Variants in CAMK4 observed in about 807,000 individuals in gnomAD.
CAMK4 encodes calcium/calmodulin dependent protein kinase IV.
Under a neutral mutation model 44.9 loss-of-function variants are expected in CAMK4, and 22 were observed. The observed-to-expected ratio is 0.49, with a 90% CI of 0.35 to 0.70. The LOEUF is 0.70. Among genes scored for constraint, CAMK4 ranks in the 30% least tolerant of loss-of-function variants. CAMK4 has a pLI of 0.01. For missense variants in CAMK4, 498 were observed against 586.8 expected, an observed-to-expected ratio of 0.85 and a Z score of 1.56; for synonymous variants, 218 against 215.4, an observed-to-expected ratio of 1.01 and a Z score of -0.11.
Position 111,413,469 on chromosome 5 carries a change from A to G in CAMK4, c.459+18687A>G, listed in dbSNP as rs141554373. 7.6e-3 allele frequency among the ~76,000 whole-genome samples: 1,149 copies of G among 152,038 alleles called. 13 individuals carry two copies. Among genetic ancestry groups the G allele is most frequent in the African/African-American group, 0.025 (1,050 of 41,470 alleles). ...ATGTGCACCTGCAGTTCCAGCTACTAGAGAGGCTGAGGCAGAAGAATCACT... is the reference window on the plus strand; with the variant it reads ...ATGTGCACCTGCAGTTCCAGCTACTGGAGAGGCTGAGGCAGAAGAATCACT... On this transcript the variant is annotated intron_variant, in intron 5 of 10. Coordinates refer to ENST00000282356, the MANE Select transcript of CAMK4 (RefSeq NM_001744.6).
At chr5:111,225,627 T>C (rs1379147982) in intron 1 of CAMK4, among the ~76,000 whole-genome samples, 1 of 152,208 alleles carries the variant, frequency 6.6e-6, no homozygotes, top group Non-Finnish European at 1.5e-5. Context: ...CATTTTTCAT[T>C]CTCTTTTTGC....
intron 5 of CAMK4, among the ~76,000 whole-genome samples, chr5:111,405,496 A>ATT (rs1752391031): frequency 1.3e-5 from 2 of 152,294 alleles, no homozygotes; most frequent in Admixed American, 1.3e-4. Flanking sequence ...AAAAAGACGA[A>ATT]GTTTATTGTT....
At chr5:111,252,977 A>AGGGCTCAG (rs905490231) in intron 1 of CAMK4, among the ~76,000 whole-genome samples, 9 of 152,224 alleles carry the variant, frequency 5.9e-5, no homozygotes, top group African/African-American at 1.9e-4. Context: ...AAAGAGATAG[A>AGGGCTCAG]GGGCTCAGGC....
At chr5:111,317,134 A>C (rs1748459434) in intron 1 of CAMK4, among the ~76,000 whole-genome samples, 1 of 152,160 alleles carries the variant, frequency 6.6e-6, no homozygotes. Context: ...TACCTGTAAG[A>C]GGGACTAAAT....
At chr5:111,440,487 A>T (rs2112958438) in intron 5 of CAMK4, among the ~76,000 whole-genome samples, 1 of 152,074 alleles carries the variant, frequency 6.6e-6, no homozygotes, top group South Asian at 2.1e-4. Flanking sequence ...TAAACTATAA[A>T]CACATACAGA....
intron 1 of CAMK4, among the ~76,000 whole-genome samples, chr5:111,321,276 G>A (rs1235573655): frequency 6.6e-6 from 1 of 152,138 alleles, no homozygotes; most frequent in Non-Finnish European, 1.5e-5. Context: ...GAAGGAGTTA[G>A]TGTTGCTGTA....
At chr5:111,446,407 G>A (rs963926397) in intron 5 of CAMK4, among the ~76,000 whole-genome samples, 1 of 152,168 alleles carries the variant, frequency 6.6e-6, no homozygotes, top group Non-Finnish European at 1.5e-5. Flanking sequence ...ATAGTAATAT[G>A]CATAAAGAGA....
chr5:111,269,253 T>G (rs1750397350), intron 1 of CAMK4, among the ~76,000 whole-genome samples: 1 of 152,238 alleles, frequency 6.6e-6, no homozygotes, highest in Non-Finnish European at 1.5e-5. Flanking sequence ...TGGAGAGAAT[T>G]GAGAAGGCAA....
rs772487683 is a variant in CAMK4, at chr5:111,491,571, A to G, written c.*7105A>G. On this transcript the variant is annotated 3_prime_UTR_variant, in exon 11 of 11. Coordinates refer to ENST00000282356, the MANE Select transcript of CAMK4 (RefSeq NM_001744.6). ...AGATACAACTTAGTGAAATTTTCCTACAGAACTAAAAACGCAAAATTGCAT... is the reference window on the plus strand; with the variant it reads ...AGATACAACTTAGTGAAATTTTCCTGCAGAACTAAAAACGCAAAATTGCAT... The G allele has an allele frequency of 6.6e-6, 1 of 152,176 alleles. No homozygotes were observed. Among genetic ancestry groups the G allele is most frequent in the Non-Finnish European group, 1.5e-5 (1 of 68,042 alleles). 9.4% of individuals were successfully genotyped at this position (152,176 alleles called of 1,614,324 possible). A position where few individuals can be genotyped will look rare whatever the true frequency, so the allele number is the denominator to read the frequency against.
At chr5:111,451,453 A>G (rs1194587515) in intron 7 of CAMK4, among the ~76,000 whole-genome samples, 3 of 151,958 alleles carry the variant, frequency 2.0e-5, no homozygotes, top group Non-Finnish European at 4.4e-5. Context: ...CACCCAGCTA[A>G]TTTGTTGTAT....
intron 1 of CAMK4, among the ~76,000 whole-genome samples, chr5:111,294,615 C>G (rs1747410274): frequency 6.6e-6 from 1 of 151,836 alleles, no homozygotes; most frequent in Non-Finnish European, 1.5e-5. Context: ...ACTGTCTAAA[C>G]TATGAAGACA....
intron 1 of CAMK4, among the ~76,000 whole-genome samples, chr5:111,312,127 T>A (rs944174858): frequency 6.6e-6 from 1 of 152,200 alleles, no homozygotes; most frequent in African/African-American, 2.4e-5. Context: ...TAACTCTATT[T>A]CATTGTGAGG....
chr5:111,315,610 A>G (rs774231322), intron 1 of CAMK4, among the ~76,000 whole-genome samples: 6 of 152,136 alleles, frequency 3.9e-5, no homozygotes, highest in Non-Finnish European at 8.8e-5. Flanking sequence ...TTTTTTGTAT[A>G]TAAAGGAACT....
At chr5:111,275,048 T>C (rs538762311) in intron 1 of CAMK4, among the ~76,000 whole-genome samples, 1 of 152,270 alleles carries the variant, frequency 6.6e-6, no homozygotes, top group East Asian at 1.9e-4. Context: ...CACAATGTAA[T>C]GTTATGATAC....
At chr5:111,437,579 G>A (rs540508613) in intron 5 of CAMK4, among the ~76,000 whole-genome samples, 1 of 152,276 alleles carries the variant, frequency 6.6e-6, no homozygotes, top group South Asian at 2.1e-4. Context: ...GAGGATATAA[G>A]AGCTGACACA....
chr5:111,429,353 C>G (rs186203438), intron 5 of CAMK4, among the ~76,000 whole-genome samples: 1 of 152,202 alleles, frequency 6.6e-6, no homozygotes, highest in African/African-American at 2.4e-5. Context: ...CTACTGCGAG[C>G]AACTACATGC....
intron 1 of CAMK4, among the ~76,000 whole-genome samples, chr5:111,262,602 A>G (rs757212073): frequency 2.6e-4 from 40 of 152,216 alleles, no homozygotes; most frequent in Non-Finnish European, 5.1e-4. Context: ...TTTTATGGCC[A>G]TCTTTTCCAG....
intron 1 of CAMK4, among the ~76,000 whole-genome samples, chr5:111,323,601 T>G (rs1343004257): frequency 6.6e-6 from 1 of 151,896 alleles, no homozygotes; most frequent in African/African-American, 2.4e-5. Flanking sequence ...GAACAACACC[T>G]TCAAAGTTCC....
At chr5:111,346,506 CTATCTA>C (rs1749874639) in intron 2 of CAMK4, among the ~76,000 whole-genome samples, 1 of 151,716 alleles carries the variant, frequency 6.6e-6, no homozygotes, top group Non-Finnish European at 1.5e-5. Flanking sequence ...ATCTATCTAT[CTATCTA>C]TCTCCATCCA....
Sources: allele counts gnomAD v4.1 joint callset (sites outside exome capture counted in the v4.1 genomes callset), GRCh38; gene constraint gnomAD v4.1.1; transcripts MANE v1.5; gene names NCBI Gene and HGNC (gene_info 2026-07-23, HGNC 2026-07-21).